Variants in C22orf31 observed in about 807,000 individuals in gnomAD.
The protein encoded by C22orf31 is chromosome 22 open reading frame 31.
In C22orf31, 11 loss-of-function variants were observed where a neutral mutation model predicts 15.0. The observed-to-expected ratio is 0.73, with a 90% confidence interval of 0.46 to 1.21. The LOEUF is 1.21. C22orf31 is among the 50% of genes most tolerant of loss of function. The pLI, the probability that C22orf31 is intolerant of heterozygous loss-of-function variation, is 0.00. For missense variants in C22orf31, 340 were observed against 347.2 expected, an observed-to-expected ratio of 0.98 and a Z score of 0.17; for synonymous variants, 132 against 133.3, an observed-to-expected ratio of 0.99 and a Z score of 0.07.
chr22:29,068,834 G>A, the C22orf31 span, among the ~76,000 whole-genome samples: 4 of 144,736 alleles, frequency 2.8e-5, no homozygotes, highest in African/African-American at 5.2e-5. Flanking sequence ...ACACGATCTC[G>A]GCTCACTGCA....
intron 1 of C22orf31, 48 bp from the exon 2 acceptor site, chr22:29,060,891 A>G (rs903340241): frequency 1.3e-6 from 2 of 1,499,808 alleles, no homozygotes; most frequent in Non-Finnish European, 1.8e-6. Context: ...ACCGTTCTTC[A>G]GCAGAGAATA....
rs994703484 is a variant in C22orf31, at chr22:29,058,939, A to G, written c.676T>C (p.Trp226Arg). The G allele has an allele frequency of 6.2e-7, 1 of 1,614,152 alleles. No individual in the cohort carries two copies. Among genetic ancestry groups the G allele is most frequent in the African/African-American group, 1.3e-5 (1 of 75,036 alleles). ...LYHAVVEPML[W>R]NPSGTPKRYS... ...CTCTTGGGGGTCCCTGAAGGATTCCACAGCATTGGCTCCACCACAGCGTGG... is the reference window on the plus strand; with the variant it reads ...CTCTTGGGGGTCCCTGAAGGATTCCGCAGCATTGGCTCCACCACAGCGTGG... Residue 226 changes from tryptophan to arginine, a missense_variant, in exon 3 of 3, where the codon TGG becomes CGG. Coordinates refer to ENST00000216071, the MANE Select transcript of C22orf31 (RefSeq NM_015370.2).
At chr22:29,059,987 T>C (rs912283223) in intron 2 of C22orf31, 59 of 980,448 alleles carry the variant, frequency 6.0e-5, no homozygotes, top group Non-Finnish European at 7.1e-5. Context: ...AACTTTAGGA[T>C]TTCCTTCACT....
At chr22:29,064,599 G>A (rs149078777), upstream of C22orf31, among the ~76,000 whole-genome samples, 870 of 147,566 alleles carry the variant, frequency 5.9e-3, 5 homozygotes, top group Middle Eastern at 0.026. Flanking sequence ...TGAGAGCCTC[G>A]ACCTCCTGGG....
intron 2 of C22orf31, among the ~76,000 whole-genome samples, 190 bp downstream of exon 2, chr22:29,060,225 T>G (rs1490326861): frequency 6.8e-6 from 1 of 146,068 alleles, no homozygotes; most frequent in Non-Finnish European, 1.5e-5. Flanking sequence ...AGAGATGAGG[T>G]CTCCCTATGT....
upstream of C22orf31, among the ~76,000 whole-genome samples, chr22:29,064,940 G>A (rs556246728): frequency 4.5e-4 from 69 of 151,854 alleles, no homozygotes; most frequent in South Asian, 0.013. Flanking sequence ...TGCAACCTCC[G>A]CCTCCTGGGT....
the C22orf31 span, among the ~76,000 whole-genome samples, chr22:29,071,828 C>T: frequency 6.6e-6 from 1 of 152,216 alleles, no homozygotes; most frequent in South Asian, 2.1e-4. Flanking sequence ...GCAAGCCGCG[C>T]GCTCTCTGAT....
At chr22:29,062,549 C>T (rs994266946), upstream of C22orf31, among the ~76,000 whole-genome samples, 4 of 152,130 alleles carry the variant, frequency 2.6e-5, no homozygotes, top group Admixed American at 6.5e-5. Context: ...ATCAGGTGCT[C>T]GTCCTGTTGG....
chr22:29,071,167 G>GTGA, the C22orf31 span, among the ~76,000 whole-genome samples: 1 of 152,066 alleles, frequency 6.6e-6, no homozygotes, highest in Non-Finnish European at 1.5e-5. Context: ...GAGGTGGGGG[G>GTGA]GGCGGTCCCC....
In C22orf31 at chr22:29,060,426, C is replaced by G; in HGVS notation, c.421G>C (p.Gly141Arg). The G allele has an allele frequency of 1.2e-6, 2 of 1,612,344 alleles. No homozygotes were observed. Among genetic ancestry groups the G allele is most frequent in the Non-Finnish European group, 1.7e-6 (2 of 1,179,524 alleles). Residue 141 changes from glycine to arginine, a missense_variant, in exon 2 of 3, where the codon GGC becomes CGC. Gly to Arg is a moderately radical substitution (Grantham distance 125, BLOSUM62 -2). Coordinates refer to ENST00000216071, the MANE Select transcript of C22orf31 (RefSeq NM_015370.2). ...QPAGHRRPAGGIRESKESSKE... is the reference protein window; with the variant it reads ...QPAGHRRPAGRIRESKESSKE... ...TGGTCCTCGTCTACCTCTCTGATGC[C>G]TCCTGCAGGCCTCCTATGCCCTGCT...
At chr22:29,061,368 G>T (rs977584401) in intron 1 of C22orf31, among the ~76,000 whole-genome samples, 1 of 152,168 alleles carries the variant, frequency 6.6e-6, no homozygotes, top group Non-Finnish European at 1.5e-5. Flanking sequence ...CCGGGCTCAA[G>T]GGATTCTTCT....
At position 29,058,805 on chromosome 22, in the gene C22orf31, C is replaced by CTCCTCGTGGACACCTCGG. The variant is rs2037346048; in HGVS notation, c.809_810insCCGAGGTGTCCACGAGGA (p.Lys270delinsAsnArgGlyValHisGluGlu). 6.2e-7 allele frequency: 1 copy of CTCCTCGTGGACACCTCGG among 1,614,064 alleles called. No individual in the cohort carries two copies. The highest frequency in any genetic ancestry group is 1.7e-5 in the Admixed American group (1 of 60,002). On this transcript the variant is annotated protein_altering_variant, in exon 3 of 3. Coordinates refer to ENST00000216071, the MANE Select transcript of C22orf31 (RefSeq NM_015370.2). ...CAGGCTCCTCGTGGACACCTGGCTG[C>CTCCTCGTGGACACCTCGG]TTCCTGCCAGGGAACCGGTCCCTCT...
At chr22:29,064,987 G>A (rs1392542115), upstream of C22orf31, among the ~76,000 whole-genome samples, 1 of 151,932 alleles carries the variant, frequency 6.6e-6, no homozygotes, top group African/African-American at 2.4e-5. Flanking sequence ...CCGAGTAGCT[G>A]AGATTACAGG....
intron 2 of C22orf31, chr22:29,059,737 C>T (rs1245767330): frequency 1.0e-6 from 1 of 985,230 alleles, no homozygotes; most frequent in Non-Finnish European, 1.2e-6. Context: ...CGCTCACAAT[C>T]CAGATCCATA....
At chr22:29,059,963 C>T in intron 2 of C22orf31, 1 of 984,906 alleles carries the variant, frequency 1.0e-6, no homozygotes, top group Non-Finnish European at 1.2e-6. Context: ...ACCTCCTCCC[C>T]ACATTCTGTC....
chr22:29,060,021 C>CTTTTTTTTTTTTTT (rs60208241), intron 2 of C22orf31: 47 of 541,652 alleles, frequency 8.7e-5, no homozygotes, highest in African/African-American at 5.2e-4. Flanking sequence ...TTTTTCTTTT[C>CTTTTTTTTTTTTTT]TTTTTTTTTT....
At chr22:29,066,585 C>G (rs866394340), upstream of C22orf31, among the ~76,000 whole-genome samples, 4 of 90,918 alleles carry the variant, frequency 4.4e-5, no homozygotes, top group African/African-American at 1.7e-4. Flanking sequence ...TTTTGAGATG[C>G]AGTCTCGCTC....
chr22:29,065,496 G>A (rs2037423453), upstream of C22orf31, among the ~76,000 whole-genome samples: 1 of 152,156 alleles, frequency 6.6e-6, no homozygotes, highest in Non-Finnish European at 1.5e-5. Context: ...TTTCTGATCT[G>A]ACTTGGGTAT....
upstream of C22orf31, among the ~76,000 whole-genome samples, chr22:29,062,904 C>A (rs760960090): frequency 1.3e-5 from 2 of 152,042 alleles, no homozygotes; most frequent in South Asian, 4.2e-4. Context: ...GAAGAGTTTG[C>A]GAATGTCTGG....
Sources: allele counts gnomAD v4.1 joint callset (sites outside exome capture counted in the v4.1 genomes callset), GRCh38; gene constraint gnomAD v4.1.1; transcripts MANE v1.5; gene names NCBI Gene and HGNC (gene_info 2026-07-23, HGNC 2026-07-21).